The following KDM5A variants were observed in gnomAD, a reference collection of about 807,000 sequenced individuals.
KDM5A encodes lysine-specific demethylase 5A.
A neutral mutation model predicts 193.5 loss-of-function variants in KDM5A; 42 were observed. The observed-to-expected ratio is 0.22, with a 90% CI of 0.17 to 0.28. KDM5A has a LOEUF of 0.28. KDM5A is among the 10% of genes least tolerant of loss of function. The pLI is 1.00. For synonymous variants in KDM5A, 796 were observed against 718.1 expected (o/e 1.11, Z -1.73); for missense variants, 1,692 against 2,055.1 (o/e 0.82, Z 3.42).
intron 10 of KDM5A, among the ~76,000 whole-genome samples, chr12:340,214 A>G (rs1161914104): frequency 6.6e-6 from 1 of 152,030 alleles, no homozygotes; most frequent in Non-Finnish European, 1.5e-5. Context: ...TATAAAAGAC[A>G]TTGCGACTCC....
chr12:372,163 G>A (rs1944436770), intron 3 of KDM5A, among the ~76,000 whole-genome samples: 1 of 152,168 alleles, frequency 6.6e-6, no homozygotes, highest in Non-Finnish European at 1.5e-5. Flanking sequence ...GATGGGGATG[G>A]CACTGAATCT....
intron 9 of KDM5A, among the ~76,000 whole-genome samples, chr12:351,005 G>A (rs1053218439): frequency 1.3e-4 from 20 of 152,064 alleles, no homozygotes; most frequent in African/African-American, 4.3e-4. Context: ...GCCCTTTTCC[G>A]AAAGAAACTG....
intron 17 of KDM5A, among the ~76,000 whole-genome samples, chr12:321,971 GAT>G (rs1466839218): frequency 6.6e-6 from 1 of 152,146 alleles, no homozygotes; most frequent in African/African-American, 2.4e-5. Flanking sequence ...AAAATAAGTA[GAT>G]TAGTGTATCA....
chr12:307,334 T>C lies in KDM5A; in HGVS notation c.3930+120A>G. Reference sequence around the variant, plus strand: ...TAGTGTATGTTGAAGGAGAATGCAATGGATAATTGCTGACAAGTTACTGTT... The same window carrying C: ...TAGTGTATGTTGAAGGAGAATGCAACGGATAATTGCTGACAAGTTACTGTT... On this transcript the variant is annotated intron_variant, in intron 23 of 27. Coordinates refer to ENST00000399788, the MANE Select transcript of KDM5A (RefSeq NM_001042603.3). The surrounding 1 kb of genome is among the most constrained non-coding windows in gnomAD (Gnocchi z 4.3). 8.6e-7 allele frequency: 1 copy of C among 1,158,884 alleles called. No homozygotes were observed. The highest frequency in any genetic ancestry group is 1.3e-6 in the Non-Finnish European group (1 of 786,342). The allele number at this position is 1,158,884 out of a possible 1,614,324, so 71.8% of individuals were successfully genotyped here.
Position 318,351 on chromosome 12 carries a change from G to C in KDM5A, c.2652C>G (p.Leu884=), listed in dbSNP as rs151156659. 1.2e-6 allele frequency: 2 copies of C among 1,614,168 alleles called. No individual in the cohort carries two copies. Among genetic ancestry groups the C allele is most frequent in the African/African-American group, 1.3e-5 (1 of 75,046 alleles). ...GTGGTAATTCAGGGAGTTCCACATA[G>C]AGACTAGAGCCCATATCTATCAACA... ...LQMLIDMGSS[L]YVELPELPRL... Residue 884 remains leucine (L), a synonymous_variant, in exon 19 of 28, where the codon CTC becomes CTG. Transcript: ENST00000399788.
At chr12:354,047 A>G (rs2137454118) in intron 8 of KDM5A, 29 bp downstream of exon 8, 1 of 1,587,722 alleles carries the variant, frequency 6.3e-7, no homozygotes, top group East Asian at 2.2e-5. Flanking sequence ...TTTTAGTTAA[A>G]AAAGGATCCA....
rs369614089 is a variant in KDM5A at position 363,046 on chromosome 12, G to A, written c.589C>T (p.Leu197Phe). ...DLKEKVEPEV[L>F]STDTQTSPEP... is the part of the protein sequence containing the mutation. ...GGGGAAGTTTGGGTATCAGTGCTGA[G>A]AACCTCAGGCTCCACTTTTTCTTTA... Residue 197 changes from leucine (L) to phenylalanine (F), a missense_variant, in exon 5 of 28, where the codon CTC (leucine) becomes TTC (phenylalanine). Leu to Phe is a conservative substitution (Grantham distance 22). This residue lies in a region of KDM5A where 134 missense variants were observed against 124.2 expected (regional missense o/e 1.08). Transcript: ENST00000399788. 2.9e-5 allele frequency: 47 copies of A among 1,613,844 alleles called. 1 individual carries two copies. The highest frequency in any genetic ancestry group is 1.1e-4 in the South Asian group (10 of 91,082).
At chr12:298,939 G>C (rs933122084) in intron 24 of KDM5A, among the ~76,000 whole-genome samples, 7 of 151,810 alleles carry the variant, frequency 4.6e-5, no homozygotes, top group Admixed American at 2.6e-4. Context: ...TCAAGCAGAA[G>C]AAAGGATATC....
intron 10 of KDM5A, among the ~76,000 whole-genome samples, 190 bp downstream of exon 10, chr12:350,427 CAAAA>C (rs10616968): frequency 9.9e-5 from 10 of 101,162 alleles, no homozygotes; most frequent in East Asian, 2.6e-4. Context: ...GATTCCTTCT[CAAAA>C]AAAAAAAAAA....
intron 3 of KDM5A, among the ~76,000 whole-genome samples, chr12:374,177 A>G (rs943748245): frequency 3.9e-5 from 6 of 152,164 alleles, no homozygotes; most frequent in Admixed American, 1.3e-4. Flanking sequence ...TATTGACAGT[A>G]GGGTGTTAAA....
At chr12:359,137 A>G (rs1393096943) in intron 5 of KDM5A, among the ~76,000 whole-genome samples, 1 of 152,190 alleles carries the variant, frequency 6.6e-6, no homozygotes, top group Non-Finnish European at 1.5e-5. Context: ...CTAGGAAAAA[A>G]CTAGAAGATA....
chr12:360,311 C>G (rs1019123225), intron 5 of KDM5A, among the ~76,000 whole-genome samples: 1 of 151,738 alleles, frequency 6.6e-6, no homozygotes, highest in Non-Finnish European at 1.5e-5. Context: ...CTGAGCATTA[C>G]AGGCAGTACT....
chr12:353,438 A>G (rs1296225323), intron 8 of KDM5A, among the ~76,000 whole-genome samples: 1 of 152,324 alleles, frequency 6.6e-6, no homozygotes, highest in East Asian at 1.9e-4. Flanking sequence ...GTCTAGTTAT[A>G]CTTTAATTAA....
At chr12:359,023 A>AT (rs1386186039) in intron 5 of KDM5A, among the ~76,000 whole-genome samples, 1 of 151,880 alleles carries the variant, frequency 6.6e-6, no homozygotes, top group African/African-American at 2.4e-5. Flanking sequence ...AAGACTACAT[A>AT]TTAGATCTCT....
At chr12:311,221 C>G in intron 20 of KDM5A, 157 bp from the exon 21 acceptor site, 1 of 685,986 alleles carries the variant, frequency 1.5e-6, no homozygotes, top group South Asian at 1.8e-5. Flanking sequence ...TTCCAATGTC[C>G]TATTTTTTAA....
intron 24 of KDM5A, among the ~76,000 whole-genome samples, chr12:300,422 C>G (rs1943427595): frequency 6.6e-6 from 1 of 152,162 alleles, no homozygotes; most frequent in Non-Finnish European, 1.5e-5. Flanking sequence ...ACAACCTGCT[C>G]CTGAATGACT....
intron 10 of KDM5A, among the ~76,000 whole-genome samples, chr12:335,554 G>C (rs746912301): frequency 6.6e-6 from 1 of 152,088 alleles, no homozygotes; most frequent in Non-Finnish European, 1.5e-5. Flanking sequence ...TGGCAGGGGT[G>C]GGGGTAGGGT....
At chr12:375,771 T>C (rs1444775743) in intron 3 of KDM5A, among the ~76,000 whole-genome samples, 2 of 152,254 alleles carry the variant, frequency 1.3e-5, no homozygotes, top group African/African-American at 2.4e-5. Flanking sequence ...GTGGATGTCC[T>C]TTCTGTTTGT....
chr12:370,858 A>G (rs1397036543), intron 3 of KDM5A, among the ~76,000 whole-genome samples: 1 of 152,164 alleles, frequency 6.6e-6, no homozygotes, highest in Non-Finnish European at 1.5e-5. Flanking sequence ...CAGTGAGAAC[A>G]TGCGGTGTTT....
Sources: gnomAD v4.1 joint callset for allele counts (sites outside exome capture counted in the v4.1 genomes callset) on GRCh38, gnomAD v4.1.1 for gene constraint, gnomAD v4.1.1 regional missense constraint, Gnocchi (gnomAD v3.1) non-coding constraint, MANE v1.5 for transcripts, NCBI Gene and HGNC (gene_info 2026-07-23, HGNC 2026-07-21) for gene names.